The following DHX37 variants were observed in gnomAD, a reference collection of about 807,000 sequenced individuals.
DHX37 encodes the protein DEAH-box helicase 37, also known as probable ATP-dependent RNA helicase DHX37.
In DHX37, 52 loss-of-function variants were observed where a neutral mutation model predicts 134.3. That is an observed-to-expected ratio of 0.39 (90% CI 0.31 to 0.49). The LOEUF (loss-of-function observed/expected upper bound fraction) is 0.49. Ranked by LOEUF, DHX37 falls within the 20% of genes least tolerant of loss-of-function variation. The pLI, the probability that DHX37 is intolerant of heterozygous loss-of-function variation, is 0.93. For synonymous variants in DHX37, 634 were observed against 670.7 expected (o/e 0.95, Z 0.85); for missense variants, 1,344 against 1,580.8 (o/e 0.85, Z 2.54).
In DHX37 at chr12:124,960,449, A is replaced by C. The variant is rs374147217; in HGVS notation, c.2046-26T>G. The C allele has an allele frequency of 1.7e-3, 2,786 of 1,602,450 alleles. 65 individuals are homozygous for C. The South Asian group carries it at 0.029, about 16-fold the overall frequency. On this transcript the variant is annotated intron_variant, in intron 15 of 26. Coordinates refer to ENST00000308736, the MANE Select transcript of DHX37 (RefSeq NM_032656.4). ...CTGGATGGAGAGAAACCGGGACAAC[A>C]AACACAAAACTCACACCAAAAACCA...
Position 124,988,965 on chromosome 12 carries a change from G to A in DHX37, c.58C>T (p.Pro20Ser). ...GGCGGCTCGGGGGGGCCCTTCGAGG[G>A]TCCGGGGCCCGCCTGCTGGCGCCCC... ...IKGRQQAGPG[P>S]SKGPPEPPPV... Residue 20 changes from proline (P) to serine (S), a missense_variant, in exon 1 of 27, where the codon CCC becomes TCC. Physicochemically the swap from Pro to Ser is moderately conservative, Grantham distance 74 (BLOSUM62 -1). Around this residue, in one of 7 missense-constraint regions of DHX37, gnomAD observed 319 missense variants for 296.1 expected, o/e 1.08. Transcript: ENST00000308736. 3 of 1,353,658 alleles carry A rather than the reference G, an allele frequency of 2.2e-6. No homozygotes were observed. Among genetic ancestry groups the A allele is most frequent in the Non-Finnish European group, 2.9e-6 (3 of 1,044,296 alleles). 83.9% of individuals were successfully genotyped at this position (1,353,658 alleles called of 1,614,324 possible).
At position 124,969,061 on chromosome 12, in the gene DHX37, C is replaced by A. The variant is rs1220296204; in HGVS notation, c.1192-93G>T. On this transcript the variant is annotated intron_variant, in intron 8 of 26. Transcript: ENST00000308736. Reference sequence around the variant, plus strand: ...GCATGGGGGTGCCCTGCTGCCCACCCCGTTTCCAGCCCCCACCCTCTGCCC... The same window carrying A: ...GCATGGGGGTGCCCTGCTGCCCACCACGTTTCCAGCCCCCACCCTCTGCCC... 2.5e-6 allele frequency: 3 copies of A among 1,220,340 alleles called. No homozygotes were observed. The East Asian group carries it at 7.6e-5, about 31-fold the overall frequency. 75.6% of individuals were successfully genotyped at this position (1,220,340 alleles called of 1,614,324 possible).
At chr12:124,966,400 G>C (rs1043761750) in intron 12 of DHX37, among the ~76,000 whole-genome samples, 2 of 152,132 alleles carry the variant, frequency 1.3e-5, no homozygotes, top group African/African-American at 4.8e-5. Flanking sequence ...GTCTCACTCT[G>C]TTGCCCAGGC....
rs11829181 is a variant in DHX37 at position 124,954,270 on chromosome 12, C to T, written c.2454-59G>A. 14,721 of 1,513,208 alleles carry T rather than the reference C, an allele frequency of 9.7e-3. 1,182 individuals are homozygous for T. The African/African-American group carries it at 0.18, about 18-fold the overall frequency. The allele number at this position is 1,513,208 out of a possible 1,614,324, so 93.7% of individuals were successfully genotyped here. On this transcript the variant is annotated intron_variant, in intron 18 of 26. Transcript: ENST00000308736. ...GCCTCGGCTGCGCTCAGGGCCTCAGCGGGGGGAACTCCTTTATTCATCGGG... is the reference window on the plus strand; with the variant it reads ...GCCTCGGCTGCGCTCAGGGCCTCAGTGGGGGGAACTCCTTTATTCATCGGG...
At chr12:124,958,624 CT>C (rs200897333) in intron 16 of DHX37, among the ~76,000 whole-genome samples, 1 of 148,880 alleles carries the variant, frequency 6.7e-6, no homozygotes, top group South Asian at 2.1e-4. Flanking sequence ...ATCCATGATT[CT>C]TTTTTTTCTT....
At position 124,972,548 on chromosome 12, in the gene DHX37, T is replaced by C. The variant is rs755830501; in HGVS notation, c.1032A>G (p.Arg344=). The change falls in exon 7 of 27, where the codon AGA becomes AGG. Residue 344 remains arginine (R), a synonymous_variant. Transcript: ENST00000308736. ...GCACACCATCCGTCATGAACTTGAT[T>C]CTGGTCTCCTCTGTCACGTTTCCTT... ...RYEGNVTEET[R]IKFMTDGVLL... The C allele has an allele frequency of 8.1e-6, 13 of 1,614,238 alleles. No homozygotes were observed. In the South Asian group the frequency reaches 1.3e-4, roughly 16 times the overall value.
Position 124,989,068 on chromosome 12 carries a change from C to A in DHX37, c.-46G>T, listed in dbSNP as rs143171336. ...CGCTCCAGCGGCCGGACCAGCAGAG[C>A]AATCCGAAACCCAGCCCACGTGGGT... On this transcript the variant is annotated 5_prime_UTR_variant, in exon 1 of 27. Coordinates refer to ENST00000308736, the MANE Select transcript of DHX37 (RefSeq NM_032656.4). 3,974 of 1,258,572 alleles carry A rather than the reference C, an allele frequency of 3.2e-3. 90 individuals are homozygous for A. The African/African-American group carries it at 0.053, about 17-fold the overall frequency. The allele number at this position is 1,258,572 out of a possible 1,614,324, so 78.0% of individuals were successfully genotyped here.
At chr12:124,964,015 T>C (rs1021217025) in intron 15 of DHX37, among the ~76,000 whole-genome samples, 1 of 146,272 alleles carries the variant, frequency 6.8e-6, no homozygotes, top group African/African-American at 2.5e-5. Flanking sequence ...AAAATTAAAA[T>C]AAATAAATAC....
chr12:124,957,134 A>G lies in DHX37; in HGVS notation c.2159T>C (p.Val720Ala). 6.7e-7 allele frequency: 1 copy of G among 1,494,304 alleles called. No homozygotes were observed. The highest frequency in any genetic ancestry group is 8.9e-7 in the Non-Finnish European group (1 of 1,124,452). 92.6% of individuals were successfully genotyped at this position (1,494,304 alleles called of 1,614,324 possible). ...GGGCGTCGGGAAGGGGAAGTTGATG[A>G]CCTGGGACACAAGGAGACGTGGCAG... Reference protein sequence around the residue: ...LQMKALNVEKVINFPFPTPPS... With the variant: ...LQMKALNVEKAINFPFPTPPS... Residue 720 changes from valine (V) to alanine (A), a missense_variant and splice_region_variant, in exon 17 of 27, where the codon GTC (valine) becomes GCC (alanine). Val to Ala is a moderately conservative substitution (Grantham distance 64). Coordinates refer to ENST00000308736, the MANE Select transcript of DHX37 (RefSeq NM_032656.4).
At chr12:124,961,953 A>G (rs1954274518) in intron 15 of DHX37, among the ~76,000 whole-genome samples, 1 of 152,132 alleles carries the variant, frequency 6.6e-6, no homozygotes, top group Non-Finnish European at 1.5e-5. Flanking sequence ...TCATATTAAA[A>G]AAAAAGTGGG....
chr12:124,984,144 G>A (rs1954817479), intron 2 of DHX37, among the ~76,000 whole-genome samples: 1 of 152,170 alleles, frequency 6.6e-6, no homozygotes, highest in Non-Finnish European at 1.5e-5. Flanking sequence ...GGGGCAGCGG[G>A]GGGCGGCGCG....
At chr12:124,955,376 T>C (rs1027110786) in intron 18 of DHX37, among the ~76,000 whole-genome samples, 1 of 152,236 alleles carries the variant, frequency 6.6e-6, no homozygotes, top group African/African-American at 2.4e-5. Flanking sequence ...AGACCCCAAC[T>C]GAAACTGACA....
At chr12:124,955,887 T>C (rs11833294) in intron 18 of DHX37, among the ~76,000 whole-genome samples, 39,668 of 142,894 alleles carry the variant, frequency 0.28, 6,951 homozygotes, top group African/African-American at 0.52. Flanking sequence ...CATGCAGTGA[T>C]GTGGCCTAAA....
At chr12:124,977,258 G>A (rs1954666516) in intron 5 of DHX37, 84 bp downstream of exon 5, 4 of 1,430,328 alleles carry the variant, frequency 2.8e-6, no homozygotes, top group Non-Finnish European at 9.2e-7. Flanking sequence ...ATTGGATCCT[G>A]GGGAGCCCAG....
In DHX37 at chr12:124,965,828, C is replaced by T. The variant is rs1954374764; in HGVS notation, c.1591-16G>A. ...GGGGCAGCACCTACGGCGAACAAGA[C>T]ATAGACACCTGGGCTGCAGGGATCC... On this transcript the variant is annotated splice_polypyrimidine_tract_variant and intron_variant, in intron 12 of 26. Coordinates refer to ENST00000308736, the MANE Select transcript of DHX37 (RefSeq NM_032656.4). The T allele has an allele frequency of 6.2e-7, 1 of 1,611,080 alleles. No homozygotes were observed. The highest frequency in any genetic ancestry group is 8.5e-7 in the Non-Finnish European group (1 of 1,178,346).
intron 21 of DHX37, 58 bp downstream of exon 21, chr12:124,952,340 G>T: frequency 6.6e-7 from 1 of 1,511,654 alleles, no homozygotes. Flanking sequence ...GGCCCAGCCC[G>T]CCTGCCCCTC....
chr12:124,961,309 CACACACTTACAT>C, intron 15 of DHX37, among the ~76,000 whole-genome samples: 1 of 147,550 alleles, frequency 6.8e-6, no homozygotes, highest in Middle Eastern at 3.4e-3. Context: ...CACGCACGCA[CACACACTTACAT>C]ACACACGTGC....
Position 124,967,141 on chromosome 12 carries a change from A to G in DHX37, c.1486T>C (p.Ser496Pro), listed in dbSNP as rs753934648. The change falls in exon 11 of 27, where the codon TCC (serine) becomes CCC (proline). Residue 496 changes from serine (S) to proline (P), a missense_variant. Coordinates refer to ENST00000308736, the MANE Select transcript of DHX37 (RefSeq NM_032656.4). Reference protein sequence around the residue: ...CRRLRKAFPPSRARPQEKDDD... With the variant: ...CRRLRKAFPPPRARPQEKDDD... ...TCTTTACCTTGTGGCCGGGCTCTGG[A>G]GGGTGGGAAAGCCTTCCTGAGCCTG... is the stretch of plus-strand genomic sequence containing the variant. 1 of 1,613,612 alleles carries G rather than the reference A, an allele frequency of 6.2e-7. No homozygotes were observed. The highest frequency in any genetic ancestry group is 1.3e-5 in the African/African-American group (1 of 74,934).
Position 124,954,072 on chromosome 12 carries a change from G to T in DHX37, c.2578+15C>A, listed in dbSNP as rs747672861. 6.2e-7 allele frequency: 1 copy of T among 1,606,210 alleles called. No homozygotes were observed. The highest frequency in any genetic ancestry group is 8.5e-7 in the Non-Finnish European group (1 of 1,174,652). On this transcript the variant is annotated intron_variant, in intron 19 of 26. Coordinates refer to ENST00000308736, the MANE Select transcript of DHX37 (RefSeq NM_032656.4). ...GGTGACCCTCCCGCCACCCTCCAAC[G>T]GGCAGGGCACAAACCCAGCAGCACC... is the stretch of plus-strand genomic sequence containing the variant.
Sources: allele counts gnomAD v4.1 joint callset (sites outside exome capture counted in the v4.1 genomes callset), GRCh38; gene constraint gnomAD v4.1.1; regional missense constraint gnomAD v4.1.1; transcripts MANE v1.5; gene names NCBI Gene and HGNC (gene_info 2026-07-23, HGNC 2026-07-21).